SUMF1: variants seen among roughly 807,000 people sequenced by gnomAD.
The protein encoded by SUMF1 is formylglycine-generating enzyme.
In SUMF1, 48 loss-of-function variants were observed where a neutral mutation model predicts 47.6. That is an observed-to-expected ratio of 1.01 (90% CI 0.80 to 1.28). The LOEUF (loss-of-function observed/expected upper bound fraction) is 1.28. SUMF1 is among the 50% of genes most tolerant of loss of function. The probability of loss-of-function intolerance (pLI) is 0.00; values close to 1 mark genes in which losing one functional copy is unlikely to be tolerated. For missense variants in SUMF1, 571 were observed against 485.4 expected (o/e 1.18, Z -1.66); for synonymous variants, 230 against 192.1 (o/e 1.20, Z -1.63).
At chr3:4,202,605 A>G (rs1465717509) in intron 8 of SUMF1, among the ~76,000 whole-genome samples, 1 of 151,880 alleles carries the variant, frequency 6.6e-6, no homozygotes, top group Non-Finnish European at 1.5e-5. Context: ...TTGTGGTTCT[A>G]TATGAATTTT....
chr3:4,344,395 T>C lies in SUMF1; in HGVS notation c.1014+31935A>G, dbSNP rs1391271511. Reference sequence around the variant, plus strand: ...CAGGCACAGGAGCAAATCAGACGAATAAGGCCTGAAATGAACCCCCACCAA... The same window carrying C: ...CAGGCACAGGAGCAAATCAGACGAACAAGGCCTGAAATGAACCCCCACCAA... On this transcript the variant is annotated intron_variant and NMD_transcript_variant, in intron 8 of 12. Coordinates refer to the SUMF1 transcript ENST00000448413. 3.9e-5 allele frequency among the ~76,000 whole-genome samples: 6 copies of C among 151,958 alleles called. No homozygotes were observed. In the East Asian group the frequency reaches 1.2e-3, roughly 29 times the overall value.
intron 8 of SUMF1, among the ~76,000 whole-genome samples, chr3:4,112,997 C>T (rs1294285804): frequency 2.0e-5 from 3 of 152,098 alleles, no homozygotes; most frequent in African/African-American, 7.2e-5. Flanking sequence ...ATCCCATACG[C>T]ACTTATTTCC....
intron 7 of SUMF1, among the ~76,000 whole-genome samples, chr3:4,400,201 T>C (rs993021036): frequency 2.0e-5 from 3 of 152,228 alleles, no homozygotes; most frequent in African/African-American, 7.2e-5. Flanking sequence ...CTGCCAGCTG[T>C]GGATGCAACT....
At chr3:4,396,523 T>G (rs969476905) in intron 7 of SUMF1, among the ~76,000 whole-genome samples, 1 of 152,144 alleles carries the variant, frequency 6.6e-6, no homozygotes, top group African/African-American at 2.4e-5. Flanking sequence ...ATCCTTTCCC[T>G]TCTGGCCTGA....
At chr3:4,340,114 C>CACAA (rs1699240179) in intron 8 of SUMF1, among the ~76,000 whole-genome samples, 2 of 152,058 alleles carry the variant, frequency 1.3e-5, no homozygotes, top group South Asian at 4.2e-4. Flanking sequence ...TGCACACACA[C>CACAA]ACACACACAC....
chr3:4,049,711 C>T (rs529865908), intron 9 of SUMF1, among the ~76,000 whole-genome samples: 46 of 152,202 alleles, frequency 3.0e-4, no homozygotes, highest in Middle Eastern at 3.4e-3. Context: ...TTGCCATTCG[C>T]GGGCAGCTTA....
intron 8 of SUMF1, among the ~76,000 whole-genome samples, chr3:4,122,015 T>C (rs1693556232): frequency 6.6e-6 from 1 of 152,112 alleles, no homozygotes. Context: ...GGCCTCCAGC[T>C]CCATCCATGT....
chr3:4,050,748 C>CAAAAA (rs34228101), intron 9 of SUMF1, among the ~76,000 whole-genome samples: 9 of 86,586 alleles, frequency 1.0e-4, no homozygotes, highest in Non-Finnish European at 1.4e-4. Flanking sequence ...GACCCTGTCT[C>CAAAAA]AAAAAAAAAA....
rs137929830 is a variant in SUMF1, at chr3:4,166,550, T to C, written c.1015-97805A>G. Among the ~76,000 whole-genome samples the C allele has an allele frequency of 2.1e-3, 314 of 152,184 alleles. 1 individual carries two copies. The highest frequency in any genetic ancestry group is 0.014 in the Middle Eastern group (4 of 294). The stretch of plus-strand genomic sequence containing the variant: ...AGAGTCCCAAAATTTATACTAGAAA[T>C]CATTCTTATAGGAGAAACTAGAAGA... On this transcript the variant is annotated intron_variant and NMD_transcript_variant, in intron 8 of 12. Transcript: ENST00000448413.
intron 3 of SUMF1, among the ~76,000 whole-genome samples, chr3:4,435,072 C>A (rs1702353139): frequency 6.6e-6 from 1 of 152,126 alleles, no homozygotes; most frequent in South Asian, 2.1e-4. Context: ...GGATTACAGG[C>A]TGCACCACCA....
chr3:4,425,569 A>C (rs2582343), intron 3 of SUMF1, among the ~76,000 whole-genome samples: 1 of 151,764 alleles, frequency 6.6e-6, no homozygotes, highest in African/African-American at 2.4e-5. Flanking sequence ...CCAAGAGCTA[A>C]GGGGTGAAGG....
At chr3:4,284,778 G>T (rs11919952) in intron 8 of SUMF1, among the ~76,000 whole-genome samples, 1 of 151,924 alleles carries the variant, frequency 6.6e-6, no homozygotes, top group Admixed American at 6.6e-5. Flanking sequence ...AAGCATGGGG[G>T]GTAATTTGTT....
At chr3:4,272,835 AG>A (rs951460420) in intron 8 of SUMF1, among the ~76,000 whole-genome samples, 3 of 152,070 alleles carry the variant, frequency 2.0e-5, no homozygotes, top group African/African-American at 7.2e-5. Context: ...GCACTGTGGG[AG>A]CCCAAAGTAG....
chr3:4,428,290 T>C (rs951287154), intron 3 of SUMF1, among the ~76,000 whole-genome samples: 30 of 152,084 alleles, frequency 2.0e-4, no homozygotes, highest in African/African-American at 7.2e-4. Context: ...GCAGAACATA[T>C]ATTTAAATGT....
intron 8 of SUMF1, among the ~76,000 whole-genome samples, chr3:4,176,231 A>C (rs1694957537): frequency 6.6e-6 from 1 of 152,142 alleles, no homozygotes; most frequent in Non-Finnish European, 1.5e-5. Flanking sequence ...CAAGACACAT[A>C]ATCATCAGAT....
intron 8 of SUMF1, among the ~76,000 whole-genome samples, chr3:4,158,245 GTA>G (rs1390431231): frequency 6.6e-6 from 1 of 151,624 alleles, no homozygotes; most frequent in Non-Finnish European, 1.5e-5. Context: ...CAAATGTTTT[GTA>G]TAGTTTCCAA....
intron 8 of SUMF1, among the ~76,000 whole-genome samples, chr3:4,266,285 A>G (rs1697193727): frequency 6.6e-6 from 1 of 152,162 alleles, no homozygotes. Flanking sequence ...TGGTAGCTTG[A>G]TGGGGATGGC....
chr3:4,095,976 C>T (rs992518055), intron 8 of SUMF1, among the ~76,000 whole-genome samples: 2 of 152,074 alleles, frequency 1.3e-5, no homozygotes, highest in African/African-American at 2.4e-5. Context: ...AACTACATCA[C>T]CACCTGGTAA....
intron 8 of SUMF1, among the ~76,000 whole-genome samples, chr3:4,241,756 G>C (rs926551102): frequency 6.6e-6 from 1 of 152,156 alleles, no homozygotes; most frequent in South Asian, 2.1e-4. Flanking sequence ...AGGAGCAGCA[G>C]TTTAATAGGC....
Sources: gnomAD v4.1 joint callset for allele counts (sites outside exome capture counted in the v4.1 genomes callset) on GRCh38, gnomAD v4.1.1 for gene constraint, MANE v1.5 for transcripts, NCBI Gene and HGNC (gene_info 2026-07-23, HGNC 2026-07-21) for gene names.